PAXBP1: variants seen among roughly 807,000 people sequenced by gnomAD.
PAXBP1 encodes the protein PAX3 and PAX7 binding protein 1, also known as PAX3- and PAX7-binding protein 1.
A neutral mutation model predicts 119.9 loss-of-function variants in PAXBP1; 44 were observed. That is an observed-to-expected ratio of 0.37 (90% CI 0.29 to 0.47). The LOEUF (loss-of-function observed/expected upper bound fraction) is 0.47, where lower values mean the gene tolerates loss of function less well. Ranked by LOEUF, PAXBP1 falls within the 20% of genes least tolerant of loss-of-function variation. The pLI is 0.99. For missense variants in PAXBP1, 898 were observed against 1,134.1 expected, an observed-to-expected ratio of 0.79 and a Z score of 2.99; for synonymous variants, 393 against 406.6, an observed-to-expected ratio of 0.97 and a Z score of 0.40.
At chr21:32,754,582 G>A (rs1281892888) in intron 8 of PAXBP1, among the ~76,000 whole-genome samples, 1 of 152,160 alleles carries the variant, frequency 6.6e-6, no homozygotes, top group Non-Finnish European at 1.5e-5. Flanking sequence ...CATAACACAT[G>A]TCATAATGAT....
chr21:32,741,275 G>A (rs954935884), intron 15 of PAXBP1: 3 of 332,696 alleles, frequency 9.0e-6, no homozygotes, highest in Non-Finnish European at 1.7e-5. Context: ...GAAATGTCGG[G>A]GCCAAGGGAA....
In PAXBP1 at chr21:32,771,610, T is replaced by A; in HGVS notation, c.59A>T (p.Glu20Val). 2 of 1,467,218 alleles carry A rather than the reference T, an allele frequency of 1.4e-6. No individual in the cohort carries two copies. The highest frequency in any genetic ancestry group is 1.8e-6 in the Non-Finnish European group (2 of 1,114,760). The allele number at this position is 1,467,218 out of a possible 1,614,324, so 90.9% of individuals were successfully genotyped here. A position where few individuals can be genotyped will look rare whatever the true frequency, so the allele number is the denominator to read the frequency against. Residue 20 changes from glutamate (E) to valine (V), a missense_variant, in exon 1 of 18, where the codon GAG becomes GTG. By Grantham distance (121) the Glu-to-Val change is moderately radical. Coordinates refer to ENST00000331923, the MANE Select transcript of PAXBP1 (RefSeq NM_016631.4). ...VRKRNDSEEE[E>V]RERDEEQEPP... The stretch of plus-strand genomic sequence containing the variant: ...CTCCTGCTCCTCATCGCGTTCCCGC[T>A]CTTCCTCTTCGGAGTCGTTCCGCTT...
At position 32,771,421 on chromosome 21, in the gene PAXBP1, G is replaced by C. The variant is rs757278397; in HGVS notation, c.248C>G (p.Ala83Gly). The stretch of plus-strand genomic sequence containing the variant: ...CGGCTTCAGCCCGTTGCCGGGCTCC[G>C]CGCCGCCGGGGAAGCCGCCCCCGGC... ...AEAGGGFPGG[A>G]EPGNGLKPRK... The change falls in exon 1 of 18, where the codon GCG (alanine) becomes GGG (glycine). Residue 83 changes from alanine (A) to glycine (G), a missense_variant. Ala to Gly is a moderately conservative substitution (Grantham distance 60). Transcript: ENST00000331923. 1 of 1,539,706 alleles carries C rather than the reference G, an allele frequency of 6.5e-7. No individual in the cohort carries two copies. Among genetic ancestry groups the C allele is most frequent in the Non-Finnish European group, 8.7e-7 (1 of 1,153,224 alleles).
At chr21:32,760,933 G>GTGTGTGTGTA in intron 5 of PAXBP1, 126 bp downstream of exon 5, 1 of 653,754 alleles carries the variant, frequency 1.5e-6, no homozygotes, top group Non-Finnish European at 2.7e-6. Context: ...GTGTGTGTGT[G>GTGTGTGTGTA]TCTCCTCATG....
At chr21:32,760,902 CGTGTGT>C (rs1175775718) in intron 5 of PAXBP1, among the ~76,000 whole-genome samples, 151 bp downstream of exon 5, 138 of 127,788 alleles carry the variant, frequency 1.1e-3, no homozygotes, top group Non-Finnish European at 1.7e-3. Flanking sequence ...TGCGTGCGTG[CGTGTGT>C]GTGTGTGTGT....
chr21:32,756,930 A>G (rs1601600552), intron 7 of PAXBP1: 1 of 152,268 alleles, frequency 6.6e-6, no homozygotes, highest in Admixed American at 6.5e-5. Flanking sequence ...CTCTCATTCA[A>G]GTTTCTTAAC....
At chr21:32,757,068 G>A (rs1228824374) in intron 7 of PAXBP1, among the ~76,000 whole-genome samples, 1 of 151,676 alleles carries the variant, frequency 6.6e-6, no homozygotes, top group Non-Finnish European at 1.5e-5. Flanking sequence ...GATAATTACA[G>A]GGAAACAAAA....
chr21:32,759,827 A>C lies in PAXBP1; in HGVS notation c.1143T>G (p.Asn381Lys). 1 of 1,614,040 alleles carries C rather than the reference A, an allele frequency of 6.2e-7. No homozygotes were observed. The change falls in exon 6 of 18, where the codon AAT becomes AAG. Residue 381 changes from asparagine (N) to lysine (K), a missense_variant. By Grantham distance (94) the Asn-to-Lys change is moderately conservative (BLOSUM62 0). This residue lies in a region of PAXBP1 where 599 missense variants were observed against 852.7 expected (regional missense o/e 0.70). Coordinates refer to ENST00000331923, the MANE Select transcript of PAXBP1 (RefSeq NM_016631.4). The part of the protein sequence containing the change: ...DNTVPFKTPS[N>K]EMTPVTIDLV... ...AATCAATAGTAACGGGAGTCATCTCATTACTGGGAGTTTTGAAAGGGACTG... is the reference window on the plus strand; with the variant it reads ...AATCAATAGTAACGGGAGTCATCTCCTTACTGGGAGTTTTGAAAGGGACTG...
intron 11 of PAXBP1, among the ~76,000 whole-genome samples, chr21:32,745,993 C>T (rs1234895356): frequency 1.3e-5 from 2 of 152,122 alleles, no homozygotes. Context: ...CTCCGACAAA[C>T]CTGACACGAA....
chr21:32,749,166 A>T (rs1005458305), intron 10 of PAXBP1, among the ~76,000 whole-genome samples: 37 of 152,136 alleles, frequency 2.4e-4, no homozygotes, highest in African/African-American at 8.0e-4. Context: ...GATGCTAGGA[A>T]CTTTAAGTGA....
Position 32,734,486 on chromosome 21 carries a change from T to C in PAXBP1, c.*464A>G, listed in dbSNP as rs955729403. On this transcript the variant is annotated 3_prime_UTR_variant, in exon 18 of 18. Coordinates refer to ENST00000331923, the MANE Select transcript of PAXBP1 (RefSeq NM_016631.4). ...CAAAAGGTAATGAACATTTAGTCAC[T>C]TGCCAGCCCTTTTGTTACAACAGTG... The C allele has an allele frequency of 3.6e-5, 6 of 168,648 alleles. No individual in the cohort carries two copies. Among genetic ancestry groups the C allele is most frequent in the Non-Finnish European group, 5.0e-5 (4 of 79,326 alleles). 10.4% of individuals were successfully genotyped at this position (168,648 alleles called of 1,614,324 possible).
chr21:32,742,060 T>C (rs554940765), intron 15 of PAXBP1, among the ~76,000 whole-genome samples: 9 of 152,126 alleles, frequency 5.9e-5, no homozygotes, highest in Non-Finnish European at 2.9e-5. Context: ...TCATAGGACA[T>C]AGACTGGGAG....
At chr21:32,760,324 T>G (rs568149240) in intron 5 of PAXBP1, among the ~76,000 whole-genome samples, 23 of 152,312 alleles carry the variant, frequency 1.5e-4, no homozygotes, top group African/African-American at 5.3e-4. Context: ...AACCAGAGAT[T>G]AGAATCTAAG....
rs1187275970 is a variant in PAXBP1 at position 32,751,115 on chromosome 21, T to C, written c.1607+4A>G. 1 of 1,613,554 alleles carries C rather than the reference T, an allele frequency of 6.2e-7. No homozygotes were observed. The highest frequency in any genetic ancestry group is 8.5e-7 in the Non-Finnish European group (1 of 1,179,536). Reference sequence around the variant, plus strand: ...CAAGCCAGAGCAAGGGTTTTGAGAATTACCTCCTGGCCTCCCGCTCTGCAA... The same window carrying C: ...CAAGCCAGAGCAAGGGTTTTGAGAACTACCTCCTGGCCTCCCGCTCTGCAA... On this transcript the variant is annotated splice_donor_region_variant and intron_variant, in intron 9 of 17. Coordinates refer to ENST00000331923, the MANE Select transcript of PAXBP1 (RefSeq NM_016631.4).
At chr21:32,735,803 C>T (rs767441736) in intron 17 of PAXBP1, among the ~76,000 whole-genome samples, 21 of 152,168 alleles carry the variant, frequency 1.4e-4, no homozygotes, top group Non-Finnish European at 2.4e-4. Flanking sequence ...TAGCTTAAAC[C>T]ACTCACGAGA....
At chr21:32,753,016 T>C (rs1294723961) in intron 8 of PAXBP1, among the ~76,000 whole-genome samples, 1 of 152,050 alleles carries the variant, frequency 6.6e-6, no homozygotes, top group African/African-American at 2.4e-5. Flanking sequence ...CCTGAGTGCA[T>C]CAATTACAAT....
chr21:32,748,295 A>AC (rs995898486), intron 11 of PAXBP1, among the ~76,000 whole-genome samples: 14 of 152,288 alleles, frequency 9.2e-5, no homozygotes, highest in African/African-American at 3.4e-4. Flanking sequence ...AACAACAACA[A>AC]AAAAAACACA....
In PAXBP1 at chr21:32,763,241, G is replaced by GTTATT. The variant is rs565703369; in HGVS notation, c.650-925_650-924insAATAA. Among the ~76,000 whole-genome samples the GTTATT allele has an allele frequency of 4.5e-3, 682 of 152,222 alleles. 2 individuals are homozygous for GTTATT. The highest frequency in any genetic ancestry group is 0.015 in the African/African-American group (641 of 41,530). Reference sequence around the variant, plus strand: ...TTAATGCCTCCCTACTTGCCTAATTGTTAACAGTTACATAATATCCTATCA... The same window carrying GTTATT: ...TTAATGCCTCCCTACTTGCCTAATTGTTATTTTAACAGTTACATAATATCCTATCA... On this transcript the variant is annotated intron_variant, in intron 3 of 17. Transcript: ENST00000331923.
At chr21:32,770,703 T>A (rs1460746156) in intron 1 of PAXBP1, among the ~76,000 whole-genome samples, 1 of 152,158 alleles carries the variant, frequency 6.6e-6, no homozygotes, top group East Asian at 1.9e-4. Context: ...GAAACTACCT[T>A]GCTTTTACTA....
Sources: gnomAD v4.1 joint callset for allele counts (sites outside exome capture counted in the v4.1 genomes callset) on GRCh38, gnomAD v4.1.1 for gene constraint, gnomAD v4.1.1 regional missense constraint, MANE v1.5 for transcripts, NCBI Gene and HGNC (gene_info 2026-07-23, HGNC 2026-07-21) for gene names.